Variants in PCYT1B observed in about 807,000 individuals in gnomAD.
PCYT1B encodes the protein choline-phosphate cytidylyltransferase B.
A neutral mutation model predicts 26.4 loss-of-function variants in PCYT1B; 10 were observed. The ratio of observed to expected loss-of-function variants is 0.38; its 90% CI spans 0.23 to 0.64. PCYT1B has a LOEUF of 0.64. Among genes scored for constraint, PCYT1B ranks in the 30% least tolerant of loss-of-function variants. The pLI is 0.56. For synonymous variants in PCYT1B, 131 were observed against 108.4 expected (o/e 1.21, Z -1.29); for missense variants, 161 against 292.7 (o/e 0.55, Z 3.28).
At chrX:24,610,805 T>A (rs1200200450) in intron 2 of PCYT1B, among the ~76,000 whole-genome samples, 2 of 111,158 alleles carry the variant, frequency 1.8e-5, no homozygotes, top group African/African-American at 6.5e-5. Context: ...AGGACCCTGA[T>A]CTTTCATCTC....
Position 24,579,428 on chromosome X carries a change from C to G in PCYT1B, c.596G>C (p.Gly199Ala). The change falls in exon 6 of 8, where the codon GGC becomes GCC. Residue 199 changes from glycine (G) to alanine (A), a missense_variant. By Grantham distance (60) the Gly-to-Ala change is moderately conservative. Coordinates refer to ENST00000379144, the MANE Select transcript of PCYT1B (RefSeq NM_004845.5). ...GMFVPTQRTE[G>A]ISTSDIITRI... ...GGTAATGATGTCCGATGTTGAGATG[C>G]CTTCTGTTCTCTGCGTTGGAACGAA... The G allele has an allele frequency of 3.3e-6, 4 of 1,209,700 alleles. No individual in the cohort carries two copies. The highest frequency in any genetic ancestry group is 3.5e-5 in the African/African-American group (2 of 57,669).
chrX:24,572,918 T>TCA (rs1555955684), intron 7 of PCYT1B, among the ~76,000 whole-genome samples: 2 of 96,316 alleles, frequency 2.1e-5, no homozygotes, highest in Non-Finnish European at 4.1e-5. Context: ...TTTCATCAAA[T>TCA]TATATATATA....
upstream of PCYT1B, among the ~76,000 whole-genome samples, chrX:24,649,070 T>G (rs1336405310): frequency 2.7e-5 from 3 of 111,210 alleles, no homozygotes; most frequent in African/African-American, 9.8e-5. Context: ...AAGAGTATTA[T>G]GACCTATACA....
At chrX:24,567,694 T>C (rs1834190353) in intron 7 of PCYT1B, among the ~76,000 whole-genome samples, 1 of 111,915 alleles carries the variant, frequency 8.9e-6, no homozygotes, top group Admixed American at 9.5e-5. Flanking sequence ...CTCATGCCTG[T>C]TATTCCAGCA....
intron 1 of PCYT1B, among the ~76,000 whole-genome samples, chrX:24,633,437 G>T (rs367981695): frequency 4.5e-4 from 50 of 110,400 alleles, no homozygotes; most frequent in African/African-American, 1.4e-3. Flanking sequence ...ACTTTGGGAG[G>T]CCGAGGAGGG....
intron 1 of PCYT1B, among the ~76,000 whole-genome samples, chrX:24,666,479 T>A (rs1181617790): frequency 8.9e-6 from 1 of 112,072 alleles, no homozygotes; most frequent in Non-Finnish European, 1.9e-5. Context: ...TATTCTATAC[T>A]TTTATTTATG....
At chrX:24,663,250 G>T (rs1927064034) in intron 1 of PCYT1B, among the ~76,000 whole-genome samples, 3 of 112,237 alleles carry the variant, frequency 2.7e-5, no homozygotes, top group South Asian at 7.4e-4. Flanking sequence ...GAGGCAATAT[G>T]CACAAATGCA....
At chrX:24,629,038 G>A (rs1426473990) in intron 1 of PCYT1B, among the ~76,000 whole-genome samples, 3 of 112,033 alleles carry the variant, frequency 2.7e-5, no homozygotes, top group African/African-American at 9.7e-5. Flanking sequence ...CTGGCATTGA[G>A]TATTACCTTT....
At chrX:24,648,639 A>G (rs1215043601), upstream of PCYT1B, among the ~76,000 whole-genome samples, 13 of 108,613 alleles carry the variant, frequency 1.2e-4, no homozygotes, top group Admixed American at 1.3e-3. Context: ...GTCTGGGACC[A>G]GCAGCACCAA....
intron 1 of PCYT1B, among the ~76,000 whole-genome samples, chrX:24,636,081 T>C (rs887990631): frequency 9.0e-6 from 1 of 111,615 alleles, no homozygotes; most frequent in Non-Finnish European, 1.9e-5. Flanking sequence ...GTTCAAGTGC[T>C]CACTAGACTC....
chrX:24,651,470 AAAATATATAT>A (rs1236171950), upstream of PCYT1B, among the ~76,000 whole-genome samples: 6 of 37,105 alleles, frequency 1.6e-4, no homozygotes, highest in African/African-American at 4.9e-4. Flanking sequence ...AAAAAAAAAA[AAAATATATAT>A]ATATATATAT....
chrX:24,657,148 A>C (rs771960870), intron 1 of PCYT1B, among the ~76,000 whole-genome samples: 45 of 111,584 alleles, frequency 4.0e-4, no homozygotes, highest in Non-Finnish European at 7.5e-4. Flanking sequence ...CTTTACAATC[A>C]CTTATTGTCT....
intron 1 of PCYT1B, among the ~76,000 whole-genome samples, chrX:24,644,923 G>T (rs1213601138): frequency 9.0e-6 from 1 of 111,504 alleles, no homozygotes; most frequent in Non-Finnish European, 1.9e-5. Context: ...TATTAGCCAG[G>T]CATGGTGCTG....
Position 24,559,351 on chromosome X carries a change from CAAA to C in PCYT1B, c.*2939_*2941del, listed in dbSNP as rs1923297160. The C allele has an allele frequency of 1.8e-5, 1 of 54,698 alleles. No individual in the cohort carries two copies. Among genetic ancestry groups the C allele is most frequent in the Non-Finnish European group, 3.7e-5 (1 of 27,173 alleles). 4.5% of individuals were successfully genotyped at this position (54,698 alleles called of 1,213,427 possible). A position where few individuals can be genotyped will look rare whatever the true frequency, so the allele number is the denominator to read the frequency against. ...AAAAAAAGAAAGAAAGAAGAAAGAA[CAAA>C]GAAGAATGAAAGAAAGAAGGAAGAA... On this transcript the variant is annotated 3_prime_UTR_variant, in exon 8 of 8. Transcript: ENST00000379144.
chrX:24,669,574 AT>A (rs1411633759), intron 1 of PCYT1B, among the ~76,000 whole-genome samples: 1 of 108,773 alleles, frequency 9.2e-6, no homozygotes, highest in Non-Finnish European at 1.9e-5. Flanking sequence ...TAATTAATTA[AT>A]TTTAAGTAAT....
intron 5 of PCYT1B, among the ~76,000 whole-genome samples, chrX:24,584,198 G>T (rs1034625009): frequency 9.0e-6 from 1 of 110,912 alleles, no homozygotes; most frequent in Non-Finnish European, 1.9e-5. Context: ...GCATGGTGGT[G>T]TGTGCCTGTA....
intron 1 of PCYT1B, among the ~76,000 whole-genome samples, chrX:24,634,124 G>A (rs1183229186): frequency 2.7e-5 from 3 of 110,826 alleles, no homozygotes; most frequent in African/African-American, 6.6e-5. Context: ...TTACTATGTT[G>A]CCCAGGATGG....
At chrX:24,602,441 A>G (rs1924997613) in intron 3 of PCYT1B, among the ~76,000 whole-genome samples, 1 of 111,818 alleles carries the variant, frequency 8.9e-6, no homozygotes, top group South Asian at 3.7e-4. Flanking sequence ...ATGTACATCT[A>G]TGAGTTTGGA....
chrX:24,651,467 AAAAAAATATATATATAT>A (rs1275989246), upstream of PCYT1B, among the ~76,000 whole-genome samples: 66 of 30,443 alleles, frequency 2.2e-3, 2 homozygotes, highest in African/African-American at 7.3e-3. Flanking sequence ...AAAAAAAAAA[AAAAAAATATATATATAT>A]ATATATATAT....
Sources: gnomAD v4.1 joint callset for allele counts (sites outside exome capture counted in the v4.1 genomes callset) on GRCh38, gnomAD v4.1.1 for gene constraint, MANE v1.5 for transcripts, NCBI Gene and HGNC (gene_info 2026-07-23, HGNC 2026-07-21) for gene names.